FRMPD1: variants seen among roughly 807,000 people sequenced by gnomAD.
FRMPD1 encodes FERM and PDZ domain containing 1, also known as FERM and PDZ domain-containing protein 1.
A neutral mutation model predicts 117.8 loss-of-function variants in FRMPD1; 76 were observed. The observed-to-expected ratio is 0.65, with a 90% confidence interval of 0.54 to 0.78. FRMPD1 has a LOEUF of 0.78. Among genes scored for constraint, FRMPD1 ranks in the 30% least tolerant of loss-of-function variants. The pLI is 0.00. For missense variants in FRMPD1, 1,786 were observed against 1,964.5 expected, an observed-to-expected ratio of 0.91 and a Z score of 1.72; for synonymous variants, 783 against 770.4, an observed-to-expected ratio of 1.02 and a Z score of -0.27.
At chr9:37,732,516 A>G in intron 10 of FRMPD1, 76 bp downstream of exon 10, 3 of 1,415,002 alleles carry the variant, frequency 2.1e-6, no homozygotes, top group Non-Finnish European at 2.9e-6. Context: ...GATGCCACAG[A>G]AAGCTGATAG....
At position 37,708,513 on chromosome 9, in the gene FRMPD1, T is replaced by C; in HGVS notation, c.362+12T>C. Reference sequence around the variant, plus strand: ...GTCGATATTCTCAGGTACTAAATGGTCTTCCATCATCTACAGAATTGCACA... The same window carrying C: ...GTCGATATTCTCAGGTACTAAATGGCCTTCCATCATCTACAGAATTGCACA... On this transcript the variant is annotated intron_variant, in intron 4 of 15. Coordinates refer to ENST00000377765, the MANE Select transcript of FRMPD1 (RefSeq NM_014907.3). 7.2e-7 allele frequency: 1 copy of C among 1,384,876 alleles called. No homozygotes were observed. The highest frequency in any genetic ancestry group is 1.2e-5 in the South Asian group (1 of 86,594). 85.8% of individuals were successfully genotyped at this position (1,384,876 alleles called of 1,614,324 possible).
intron 1 of FRMPD1, among the ~76,000 whole-genome samples, chr9:37,688,488 A>G (rs1338686324): frequency 6.6e-6 from 1 of 152,034 alleles, no homozygotes; most frequent in African/African-American, 2.4e-5. Context: ...ATTTGACAAT[A>G]TACATCCAAA....
chr9:37,745,124 C>T lies in FRMPD1; in HGVS notation c.3092C>T (p.Pro1031Leu). The change falls in exon 16 of 16, where the codon CCA becomes CTA. Residue 1031 changes from proline to leucine, a missense_variant. Coordinates refer to ENST00000377765, the MANE Select transcript of FRMPD1 (RefSeq NM_014907.3). ...GACAGAGCCTGCCTGGCCAGCAACC[C>T]AGGACTAAATAATGTCTCTCAAGGA... ...NPDRACLASN[P>L]GLNNVSQGDT... is the part of the protein sequence containing the mutation. 1 of 1,614,136 alleles carries T rather than the reference C, an allele frequency of 6.2e-7. No homozygotes were observed. The highest frequency in any genetic ancestry group is 8.5e-7 in the Non-Finnish European group (1 of 1,180,030).
At chr9:37,699,918 CAT>C (rs535564340) in intron 2 of FRMPD1, among the ~76,000 whole-genome samples, 168 of 134,172 alleles carry the variant, frequency 1.3e-3, no homozygotes, top group African/African-American at 4.2e-3. Context: ...CACACACACA[CAT>C]ATACACACAT....
intron 4 of FRMPD1, among the ~76,000 whole-genome samples, chr9:37,709,304 G>A (rs1175441647): frequency 6.6e-6 from 1 of 151,834 alleles, no homozygotes; most frequent in Non-Finnish European, 1.5e-5. Flanking sequence ...AATTCAGTTT[G>A]TGATTTTTCA....
At chr9:37,615,692 A>T in the FRMPD1 span, among the ~76,000 whole-genome samples, 1 of 152,162 alleles carries the variant, frequency 6.6e-6, no homozygotes, top group Non-Finnish European at 1.5e-5. Context: ...CAAGCCCCAG[A>T]TGGCTTAGAG....
chr9:37,692,917 G>T (rs1468094657), intron 2 of FRMPD1, among the ~76,000 whole-genome samples, 175 bp downstream of exon 2: 3 of 151,938 alleles, frequency 2.0e-5, no homozygotes, highest in African/African-American at 7.3e-5. Context: ...GCTTTTCCCT[G>T]TACCCTACCC....
At chr9:37,633,996 A>G in the FRMPD1 span, among the ~76,000 whole-genome samples, 3 of 152,178 alleles carry the variant, frequency 2.0e-5, no homozygotes, top group African/African-American at 4.8e-5. Flanking sequence ...TCTCTCTCTA[A>G]CACTTTGTTC....
At chr9:37,671,207 C>G (rs67290237) in intron 1 of FRMPD1, among the ~76,000 whole-genome samples, 1 of 152,074 alleles carries the variant, frequency 6.6e-6, no homozygotes, top group African/African-American at 2.4e-5. Context: ...GCTGTTTTCC[C>G]TCTCACTCAA....
the FRMPD1 span, among the ~76,000 whole-genome samples, chr9:37,625,528 A>G: frequency 4.8e-4 from 73 of 152,282 alleles, no homozygotes; most frequent in Non-Finnish European, 8.5e-4. Context: ...AGCACAAATA[A>G]ATGAAGCCAA....
chr9:37,624,316 A>G, the FRMPD1 span, among the ~76,000 whole-genome samples: 1 of 152,230 alleles, frequency 6.6e-6, no homozygotes, highest in African/African-American at 2.4e-5. Flanking sequence ...TGCATAATGC[A>G]ATTACAGAGG....
chr9:37,688,346 T>C (rs1822018696), intron 1 of FRMPD1, among the ~76,000 whole-genome samples: 1 of 151,878 alleles, frequency 6.6e-6, no homozygotes, highest in South Asian at 2.1e-4. Flanking sequence ...TAATTTACTT[T>C]TGTCTTCTGT....
intron 3 of FRMPD1, among the ~76,000 whole-genome samples, chr9:37,708,134 A>G (rs1442155497): frequency 6.6e-6 from 1 of 152,202 alleles, no homozygotes; most frequent in Non-Finnish European, 1.5e-5. Context: ...GGCCAACTCT[A>G]TTGATTTAGA....
At chr9:37,732,948 G>C (rs1263132249) in intron 10 of FRMPD1, among the ~76,000 whole-genome samples, 1 of 152,120 alleles carries the variant, frequency 6.6e-6, no homozygotes, top group Non-Finnish European at 1.5e-5. Context: ...GAATCAGATG[G>C]GGAATCATAT....
chr9:37,636,010 T>C, the FRMPD1 span, among the ~76,000 whole-genome samples: 1 of 152,292 alleles, frequency 6.6e-6, no homozygotes, highest in East Asian at 1.9e-4. Context: ...GGTCTGTCTC[T>C]GGCAGGGCAG....
At chr9:37,708,765 C>T (rs982147535) in intron 4 of FRMPD1, among the ~76,000 whole-genome samples, 3 of 152,224 alleles carry the variant, frequency 2.0e-5, no homozygotes, top group Non-Finnish European at 4.4e-5. Flanking sequence ...ATGCCCAAGA[C>T]ACCGTGCTAA....
chr9:37,685,819 G>A (rs780596311), intron 1 of FRMPD1, among the ~76,000 whole-genome samples: 11 of 152,140 alleles, frequency 7.2e-5, no homozygotes, highest in African/African-American at 1.4e-4. Flanking sequence ...TCAATTTAGC[G>A]CAAGTGATTT....
Position 37,746,189 on chromosome 9 carries a change from A to G in FRMPD1, c.4157A>G (p.His1386Arg). ...CTGCCCTGGAGGCCTGCCCGAGCCC[A>G]CAGCTGCACCACCGCACCCCTGTCG... ...VVLPWRPARA[H>R]SCTTAPLSRK... Residue 1386 changes from histidine (H) to arginine (R), a missense_variant, in exon 16 of 16, where the codon CAC becomes CGC. Coordinates refer to ENST00000377765, the MANE Select transcript of FRMPD1 (RefSeq NM_014907.3). The G allele has an allele frequency of 6.2e-7, 1 of 1,613,320 alleles. No individual in the cohort carries two copies. Among genetic ancestry groups the G allele is most frequent in the African/African-American group, 1.3e-5 (1 of 75,040 alleles).
chr9:37,691,350 G>A (rs1264713738), intron 1 of FRMPD1, among the ~76,000 whole-genome samples: 4 of 152,086 alleles, frequency 2.6e-5, no homozygotes, highest in Non-Finnish European at 4.4e-5. Flanking sequence ...CCTAATTCCT[G>A]AGCCACTGGG....
Sources: gnomAD v4.1 joint callset for allele counts (sites outside exome capture counted in the v4.1 genomes callset) on GRCh38, gnomAD v4.1.1 for gene constraint, MANE v1.5 for transcripts, NCBI Gene and HGNC (gene_info 2026-07-23, HGNC 2026-07-21) for gene names.